The following HPSE2 variants were observed in gnomAD, a reference collection of about 807,000 sequenced individuals.
HPSE2 encodes inactive heparanase-2.
Under a neutral mutation model 60.5 loss-of-function variants are expected in HPSE2, and 38 were observed. The observed-to-expected ratio is 0.63, with a 90% CI of 0.48 to 0.82. The LOEUF is 0.82. HPSE2 is among the 40% of genes least tolerant of loss of function. HPSE2 has a pLI of 0.00. For missense variants in HPSE2, 713 were observed against 740.4 expected (o/e 0.96, Z 0.43); for synonymous variants, 295 against 293.2 (o/e 1.01, Z -0.06).
intron 6 of HPSE2, among the ~76,000 whole-genome samples, chr10:98,682,711 G>A (rs1411027359): frequency 6.6e-6 from 1 of 152,186 alleles, no homozygotes; most frequent in Non-Finnish European, 1.5e-5. Flanking sequence ...TCACAAAGCT[G>A]TGTCAAGCCG....
intron 3 of HPSE2, among the ~76,000 whole-genome samples, chr10:98,980,959 A>G (rs1956192769): frequency 6.6e-6 from 1 of 152,170 alleles, no homozygotes; most frequent in Non-Finnish European, 1.5e-5. Flanking sequence ...ATGATAAGAT[A>G]TTATAATAAG....
At chr10:98,792,848 G>C (rs915167313) in intron 3 of HPSE2, among the ~76,000 whole-genome samples, 1 of 152,194 alleles carries the variant, frequency 6.6e-6, no homozygotes, top group Non-Finnish European at 1.5e-5. Context: ...TACAGCCTCA[G>C]AGAGAACAGC....
intron 2 of HPSE2, among the ~76,000 whole-genome samples, chr10:99,207,214 C>A (rs560316944): frequency 1.3e-5 from 2 of 152,182 alleles, no homozygotes; most frequent in East Asian, 3.9e-4. Flanking sequence ...GACTTCTCAG[C>A]AGAAACTTTA....
chr10:98,962,772 T>C (rs1955712222), intron 3 of HPSE2, among the ~76,000 whole-genome samples: 1 of 149,768 alleles, frequency 6.7e-6, no homozygotes, highest in South Asian at 2.2e-4. Context: ...TCACAAGCAT[T>C]CTTATACACC....
intron 9 of HPSE2, among the ~76,000 whole-genome samples, chr10:98,521,202 C>T (rs891713197): frequency 1.3e-5 from 2 of 152,172 alleles, no homozygotes; most frequent in Admixed American, 6.5e-5. Flanking sequence ...AGTGAACAGG[C>T]AACCTACAGA....
At chr10:98,749,408 A>T (rs1428650526) in intron 3 of HPSE2, among the ~76,000 whole-genome samples, 2 of 151,760 alleles carry the variant, frequency 1.3e-5, no homozygotes, top group Non-Finnish European at 2.9e-5. Flanking sequence ...GTATATCTGT[A>T]CATATACATG....
intron 3 of HPSE2, among the ~76,000 whole-genome samples, chr10:98,944,373 T>C (rs1432601955): frequency 6.6e-6 from 1 of 152,122 alleles, no homozygotes; most frequent in African/African-American, 2.4e-5. Context: ...TCTGGGGCTT[T>C]AGTTTTCTTA....
intron 3 of HPSE2, among the ~76,000 whole-genome samples, chr10:99,005,983 A>C (rs1229141875): frequency 1.3e-5 from 2 of 152,046 alleles, no homozygotes; most frequent in Admixed American, 1.3e-4. Flanking sequence ...CTAGGGCCTA[A>C]ACACACCAGA....
chr10:98,852,710 T>C (rs1952211082), intron 3 of HPSE2, among the ~76,000 whole-genome samples: 1 of 152,226 alleles, frequency 6.6e-6, no homozygotes, highest in South Asian at 2.1e-4. Context: ...CTCCCATATG[T>C]AACAGAAGTC....
chr10:99,250,173 C>T, the HPSE2 span, among the ~76,000 whole-genome samples: 5,174 of 151,296 alleles, frequency 0.034, 274 homozygotes, highest in African/African-American at 0.11. Context: ...GGTAGCACCT[C>T]CCCTTTTATT....
At position 98,753,382 on chromosome 10, in the gene HPSE2, C is replaced by T. The variant is rs77723286; in HGVS notation, c.611-9326G>A. ...AGATCTAAAATTACCATATGATTCA[C>T]AATTTCACTCCTAGGTATATATCCA... On this transcript the variant is annotated intron_variant, in intron 3 of 11. Coordinates refer to ENST00000370552, the MANE Select transcript of HPSE2 (RefSeq NM_021828.5). 3.5e-3 allele frequency among the ~76,000 whole-genome samples: 527 copies of T among 152,206 alleles called. 15 individuals are homozygous for T. In the East Asian group the frequency reaches 0.088, roughly 25 times the overall value.
chr10:99,050,768 C>T (rs1344827496), intron 3 of HPSE2, among the ~76,000 whole-genome samples: 1 of 152,074 alleles, frequency 6.6e-6, no homozygotes, highest in African/African-American at 2.4e-5. Flanking sequence ...CATGGGAAGA[C>T]AAATTCCACA....
chr10:99,178,063 T>C (rs1847601494), intron 2 of HPSE2, among the ~76,000 whole-genome samples: 1 of 151,928 alleles, frequency 6.6e-6, no homozygotes, highest in Admixed American at 6.6e-5. Flanking sequence ...ATAAGTTCTT[T>C]GAAACCAATG....
intron 3 of HPSE2, among the ~76,000 whole-genome samples, chr10:99,074,106 G>A (rs1245074467): frequency 2.6e-5 from 4 of 151,958 alleles, no homozygotes; most frequent in South Asian, 2.1e-4. Context: ...GAACAGAAGC[G>A]ATGTGAGTTG....
intron 2 of HPSE2, among the ~76,000 whole-genome samples, chr10:99,166,365 T>A (rs1286418713): frequency 6.6e-6 from 1 of 152,242 alleles, no homozygotes; most frequent in Admixed American, 6.5e-5. Context: ...CACATTTAGC[T>A]TTATAGGAAA....
chr10:98,989,343 G>T (rs921447146), intron 3 of HPSE2, among the ~76,000 whole-genome samples: 2 of 152,140 alleles, frequency 1.3e-5, no homozygotes, highest in African/African-American at 4.8e-5. Flanking sequence ...CATGTCCTTT[G>T]TAGGGACATG....
At chr10:98,814,686 A>G (rs1951244270) in intron 3 of HPSE2, among the ~76,000 whole-genome samples, 2 of 152,238 alleles carry the variant, frequency 1.3e-5, no homozygotes, top group African/African-American at 2.4e-5. Context: ...TATTTGGGCA[A>G]CTTCAAGTAT....
rs373089827 is a variant in HPSE2, at chr10:98,881,136, C to G, written c.611-137080G>C. Reference sequence around the variant, plus strand: ...ACCCTCCTTTCTCTATAGTCTCTGGCCTCAGCACAGGCTGCAAGCAGCTGT... The same window carrying G: ...ACCCTCCTTTCTCTATAGTCTCTGGGCTCAGCACAGGCTGCAAGCAGCTGT... On this transcript the variant is annotated intron_variant, in intron 3 of 11. Transcript: ENST00000370552. Among the ~76,000 whole-genome samples, 23 of 152,160 alleles carry G rather than the reference C, an allele frequency of 1.5e-4. No homozygotes were observed. The East Asian group carries it at 2.7e-3, about 18-fold the overall frequency.
chr10:98,802,349 T>C (rs923750209), intron 3 of HPSE2, among the ~76,000 whole-genome samples: 2 of 151,944 alleles, frequency 1.3e-5, no homozygotes, highest in African/African-American at 4.8e-5. Flanking sequence ...CTTTAAGTTT[T>C]AGGGTACATG....
Sources: allele counts gnomAD v4.1 joint callset (sites outside exome capture counted in the v4.1 genomes callset), GRCh38; gene constraint gnomAD v4.1.1; transcripts MANE v1.5; gene names NCBI Gene and HGNC (gene_info 2026-07-23, HGNC 2026-07-21).